Variants in POC1A observed in about 807,000 individuals in gnomAD.
The protein encoded by POC1A is POC1 centriolar protein A, also known as POC1 centriolar protein homolog A.
Under a neutral mutation model 47.8 loss-of-function variants are expected in POC1A, and 34 were observed. The ratio of observed to expected loss-of-function variants is 0.71; its 90% confidence interval spans 0.54 to 0.95. POC1A has a LOEUF of 0.95. POC1A is among the 40% of genes least tolerant of loss of function. The pLI is 0.00. For missense variants in POC1A, 466 were observed against 528.3 expected (o/e 0.88, Z 1.16); for synonymous variants, 177 against 207.6 (o/e 0.85, Z 1.27).
intron 9 of POC1A, among the ~76,000 whole-genome samples, chr3:52,119,611 G>T (rs559598313): frequency 6.6e-6 from 1 of 152,180 alleles, no homozygotes; most frequent in East Asian, 1.9e-4. Context: ...GACCAGGCTG[G>T]TCTTGAACTC....
At chr3:52,129,965 T>C (rs1704147832) in intron 7 of POC1A, among the ~76,000 whole-genome samples, 1 of 152,148 alleles carries the variant, frequency 6.6e-6, no homozygotes, top group South Asian at 2.1e-4. Flanking sequence ...CCCATGGTGA[T>C]TAGATTTCAC....
chr3:52,124,733 T>C (rs1347199271), intron 8 of POC1A, among the ~76,000 whole-genome samples: 1 of 152,214 alleles, frequency 6.6e-6, no homozygotes, highest in Non-Finnish European at 1.5e-5. Context: ...TCTTGTCACA[T>C]TGGCCATATT....
At chr3:52,094,741 T>C (rs1702754920) in intron 10 of POC1A, among the ~76,000 whole-genome samples, 1 of 152,198 alleles carries the variant, frequency 6.6e-6, no homozygotes, top group Admixed American at 6.5e-5. Flanking sequence ...GCAAAGCAGG[T>C]GACTGGCTGA....
Position 52,131,308 on chromosome 3 carries a change from G to A in POC1A, c.814-6127C>T, listed in dbSNP as rs193012915. ...ACGGGGCCTGAGGCTCTGAACAACC[G>A]TGGTAGTTGGTAGGGAAGCCCTTCC... On this transcript the variant is annotated intron_variant, in intron 7 of 10. Coordinates refer to ENST00000296484, the MANE Select transcript of POC1A (RefSeq NM_015426.5). Among the ~76,000 whole-genome samples, 201 of 152,300 alleles carry A rather than the reference G, an allele frequency of 1.3e-3. 2 individuals are homozygous for A. The highest frequency in any genetic ancestry group is 4.4e-3 in the African/African-American group (182 of 41,566).
chr3:52,101,950 T>C (rs1304802885), intron 9 of POC1A, among the ~76,000 whole-genome samples: 1 of 152,262 alleles, frequency 6.6e-6, no homozygotes, highest in Non-Finnish European at 1.5e-5. Flanking sequence ...TTAAAGATGT[T>C]ACTCTTTCAG....
intron 7 of POC1A, among the ~76,000 whole-genome samples, chr3:52,129,502 G>A (rs2107123339): frequency 6.6e-6 from 1 of 152,276 alleles, no homozygotes; most frequent in South Asian, 2.1e-4. Flanking sequence ...CTGTCTCTGG[G>A]TGTCTCTGCA....
intron 6 of POC1A, among the ~76,000 whole-genome samples, chr3:52,144,633 C>T (rs1698306591): frequency 1.3e-5 from 2 of 152,206 alleles, no homozygotes; most frequent in Admixed American, 6.5e-5. Context: ...CATTAAACCT[C>T]CCAACACCTC....
intron 6 of POC1A, among the ~76,000 whole-genome samples, chr3:52,139,986 G>T (rs1698134182): frequency 6.6e-6 from 1 of 152,174 alleles, no homozygotes; most frequent in Admixed American, 6.5e-5. Context: ...AACCAGTGGG[G>T]CTAAAATAAC....
chr3:52,111,454 C>T (rs1301641351), intron 9 of POC1A, among the ~76,000 whole-genome samples: 1 of 152,074 alleles, frequency 6.6e-6, no homozygotes, highest in Non-Finnish European at 1.5e-5. Flanking sequence ...TGTGACAAGC[C>T]TGGCCAACAT....
intron 4 of POC1A, among the ~76,000 whole-genome samples, 184 bp from the exon 5 acceptor site, chr3:52,147,279 C>A (rs1297344039): frequency 1.3e-5 from 2 of 151,796 alleles, no homozygotes; most frequent in Non-Finnish European, 2.9e-5. Flanking sequence ...TTTTCAGGAA[C>A]AAATGCATTG....
At chr3:52,105,584 C>T (rs1427386387) in intron 9 of POC1A, among the ~76,000 whole-genome samples, 1 of 152,200 alleles carries the variant, frequency 6.6e-6, no homozygotes, top group Admixed American at 6.5e-5. Flanking sequence ...TCAAAAGAAG[C>T]CTATACCGAA....
chr3:52,148,904 T>C (rs1453579361), intron 4 of POC1A, among the ~76,000 whole-genome samples: 2 of 152,226 alleles, frequency 1.3e-5, no homozygotes, highest in African/African-American at 4.8e-5. Flanking sequence ...AAGTACCTAA[T>C]TGTTTTTGAT....
At chr3:52,110,931 A>T (rs9847073) in intron 9 of POC1A, among the ~76,000 whole-genome samples, 2 of 152,148 alleles carry the variant, frequency 1.3e-5, no homozygotes, top group Non-Finnish European at 2.9e-5. Flanking sequence ...CTCGAAAGAG[A>T]TAACGAAGCT....
intron 10 of POC1A, among the ~76,000 whole-genome samples, chr3:52,091,775 G>A (rs1028247828): frequency 3.3e-5 from 5 of 152,096 alleles, no homozygotes; most frequent in East Asian, 3.9e-4. Flanking sequence ...GGAGAACATC[G>A]ACTCACTGCT....
intron 9 of POC1A, among the ~76,000 whole-genome samples, chr3:52,106,462 G>A (rs1406520938): frequency 6.6e-6 from 1 of 152,186 alleles, no homozygotes; most frequent in South Asian, 2.1e-4. Context: ...GTTGGAGGCT[G>A]CACTGAGCTA....
intron 9 of POC1A, among the ~76,000 whole-genome samples, 199 bp from the exon 10 acceptor site, chr3:52,096,911 TAAGTGGGGA>T (rs1702836129): frequency 6.6e-6 from 1 of 152,138 alleles, no homozygotes; most frequent in African/African-American, 2.4e-5. Context: ...GCAGAGGCCT[TAAGTGGGGA>T]GTGGAATCAG....
intron 9 of POC1A, among the ~76,000 whole-genome samples, chr3:52,101,452 C>T (rs1181279860): frequency 2.0e-5 from 3 of 152,020 alleles, no homozygotes; most frequent in African/African-American, 7.3e-5. Context: ...ACTCAGATGA[C>T]CTAGATGTTG....
chr3:52,098,368 T>G (rs1702889441), intron 9 of POC1A, among the ~76,000 whole-genome samples: 1 of 152,212 alleles, frequency 6.6e-6, no homozygotes, highest in Admixed American at 6.5e-5. Flanking sequence ...TGTGAGTTTC[T>G]GCAGAATGGC....
At chr3:52,099,907 C>T (rs1387711888) in intron 9 of POC1A, among the ~76,000 whole-genome samples, 3 of 152,146 alleles carry the variant, frequency 2.0e-5, no homozygotes, top group Non-Finnish European at 2.9e-5. Flanking sequence ...CACATATACT[C>T]GTATAGGCCT....
Sources: gnomAD v4.1 joint callset for allele counts (sites outside exome capture counted in the v4.1 genomes callset) on GRCh38, gnomAD v4.1.1 for gene constraint, MANE v1.5 for transcripts, NCBI Gene and HGNC (gene_info 2026-07-23, HGNC 2026-07-21) for gene names.